SAE1: variants seen among roughly 807,000 people sequenced by gnomAD.
SAE1 encodes the protein SUMO1 activating enzyme subunit 1.
Under a neutral mutation model 40.6 loss-of-function variants are expected in SAE1, and 11 were observed. That is an observed-to-expected ratio of 0.27 (90% confidence interval 0.17 to 0.45). The LOEUF is 0.45. Ranked by LOEUF, SAE1 falls within the 20% of genes least tolerant of loss-of-function variation. SAE1 has a pLI of 1.00. For synonymous variants in SAE1, 155 were observed against 154.3 expected, an observed-to-expected ratio of 1.00 and a Z score of -0.03; for missense variants, 373 against 427.3, an observed-to-expected ratio of 0.87 and a Z score of 1.12.
At chr19:47,182,507 A>ACGCG (rs1308937901) in intron 6 of SAE1, among the ~76,000 whole-genome samples, 2 of 137,590 alleles carry the variant, frequency 1.5e-5, no homozygotes, top group South Asian at 2.4e-4. Context: ...GCGCGCACGC[A>ACGCG]CGCGCGCGCG....
At chr19:47,186,808 A>ATTTG (rs2058547361) in intron 6 of SAE1, among the ~76,000 whole-genome samples, 1 of 152,146 alleles carries the variant, frequency 6.6e-6, no homozygotes, top group African/African-American at 2.4e-5. Context: ...TTGGAGCACA[A>ATTTG]AAAGGGGCAT....
intron 6 of SAE1, among the ~76,000 whole-genome samples, chr19:47,171,644 AT>A (rs552951662): frequency 1.3e-5 from 2 of 151,462 alleles, no homozygotes; most frequent in Admixed American, 6.6e-5. Flanking sequence ...GTATTTTTGT[AT>A]TTTTTTTGTA....
At chr19:47,164,833 TA>T (rs1793667979) in intron 5 of SAE1, among the ~76,000 whole-genome samples, 1 of 151,224 alleles carries the variant, frequency 6.6e-6, no homozygotes, top group Admixed American at 6.6e-5. Flanking sequence ...TTTGTATTTT[TA>T]GTAGAGAGGG....
intron 2 of SAE1, among the ~76,000 whole-genome samples, chr19:47,145,790 C>T (rs1204438892): frequency 1.3e-5 from 2 of 152,114 alleles, no homozygotes; most frequent in African/African-American, 4.8e-5. Flanking sequence ...GATTCTGACA[C>T]CACAGGTGTG....
intron 8 of SAE1, among the ~76,000 whole-genome samples, chr19:47,206,649 A>G (rs1227524402): frequency 6.6e-6 from 1 of 152,202 alleles, no homozygotes; most frequent in Non-Finnish European, 1.5e-5. Flanking sequence ...TCCCAGGTTC[A>G]TGGTAAAACA....
chr19:47,143,109 ATTT>A (rs773382952), intron 1 of SAE1, among the ~76,000 whole-genome samples: 1 of 145,600 alleles, frequency 6.9e-6, no homozygotes, highest in Non-Finnish European at 1.5e-5. Context: ...AACCAAAATG[ATTT>A]TTTTTTTTTT....
intron 5 of SAE1, among the ~76,000 whole-genome samples, chr19:47,168,856 G>A (rs464463): frequency 2.0e-5 from 3 of 151,970 alleles, no homozygotes; most frequent in Non-Finnish European, 2.9e-5. Context: ...CACCCGCCTC[G>A]GCCTCCCAAA....
intron 1 of SAE1, among the ~76,000 whole-genome samples, chr19:47,141,192 C>T (rs540409261): frequency 6.6e-6 from 1 of 151,876 alleles, no homozygotes; most frequent in Non-Finnish European, 1.5e-5. Context: ...TGTAGAGACA[C>T]GGTTTTGCCA....
chr19:47,186,981 T>C (rs1334229843), intron 6 of SAE1, among the ~76,000 whole-genome samples: 1 of 152,134 alleles, frequency 6.6e-6, no homozygotes, highest in Non-Finnish European at 1.5e-5. Flanking sequence ...TCTGGGTCGC[T>C]TCTGGGTCCC....
At chr19:47,154,803 G>C (rs1013024824) in intron 4 of SAE1, among the ~76,000 whole-genome samples, 5 of 152,108 alleles carry the variant, frequency 3.3e-5, no homozygotes, top group Non-Finnish European at 7.4e-5. Flanking sequence ...GCCAAGTTTG[G>C]CTATTTATTT....
chr19:47,149,674 A>G (rs1365130174), intron 2 of SAE1, among the ~76,000 whole-genome samples: 3 of 152,174 alleles, frequency 2.0e-5, no homozygotes, highest in Admixed American at 6.6e-5. Context: ...TTTTCTTTAT[A>G]AACACAAGGG....
At chr19:47,142,961 G>A (rs1048361602) in intron 1 of SAE1, among the ~76,000 whole-genome samples, 4 of 151,970 alleles carry the variant, frequency 2.6e-5, no homozygotes, top group Non-Finnish European at 4.4e-5. Context: ...CTGATTCACC[G>A]CCTTATTTCC....
At chr19:47,178,560 G>A (rs546587554) in intron 6 of SAE1, among the ~76,000 whole-genome samples, 4 of 152,270 alleles carry the variant, frequency 2.6e-5, no homozygotes, top group South Asian at 4.1e-4. Flanking sequence ...TGCAACCTCC[G>A]CCTTTTGGAT....
chr19:47,136,455 G>C (rs1373364974), intron 1 of SAE1, among the ~76,000 whole-genome samples: 1 of 151,256 alleles, frequency 6.6e-6, no homozygotes, highest in African/African-American at 2.4e-5. Flanking sequence ...TTTTCATTTG[G>C]GTATATACCT....
At chr19:47,199,069 A>T (rs2058634661) in intron 7 of SAE1, among the ~76,000 whole-genome samples, 1 of 152,002 alleles carries the variant, frequency 6.6e-6, no homozygotes, top group African/African-American at 2.4e-5. Flanking sequence ...AGCCTGGGTG[A>T]CAGAGAGAGA....
chr19:47,164,410 G>A lies in SAE1; in HGVS notation c.628-5408G>A, dbSNP rs548251306. ...TCTCCATCTGCTGACCTCGTGATCC[G>A]CCCGCCTTGGCCTCCCAAAGTGCTG... On this transcript the variant is annotated intron_variant, in intron 5 of 8. Coordinates refer to ENST00000270225, the MANE Select transcript of SAE1 (RefSeq NM_005500.3). 9.2e-5 allele frequency among the ~76,000 whole-genome samples: 14 copies of A among 151,992 alleles called. No homozygotes were observed. In the East Asian group the frequency reaches 2.5e-3, roughly 27 times the overall value.
In SAE1 at chr19:47,191,783, C is replaced by T. The variant is rs151126027; in HGVS notation, c.734-5450C>T. On this transcript the variant is annotated intron_variant, in intron 6 of 8. Coordinates refer to ENST00000270225, the MANE Select transcript of SAE1 (RefSeq NM_005500.3). ...CATAGCTGTGGGAATAGGCCGGGCG[C>T]GGTGGCTCACACCTGTAATCCCAGC... Among the ~76,000 whole-genome samples, 603 of 151,982 alleles carry T rather than the reference C, an allele frequency of 4.0e-3. 5 individuals are homozygous for T. Among genetic ancestry groups the T allele is most frequent in the African/African-American group, 0.014 (566 of 41,446 alleles).
At chr19:47,151,610 C>G (rs925299664) in intron 3 of SAE1, among the ~76,000 whole-genome samples, 2 of 152,256 alleles carry the variant, frequency 1.3e-5, no homozygotes, top group African/African-American at 2.4e-5. Flanking sequence ...TTACACTTTT[C>G]TATTTCATAT....
chr19:47,197,781 A>G (rs1180694423), intron 7 of SAE1, among the ~76,000 whole-genome samples: 4 of 152,174 alleles, frequency 2.6e-5, no homozygotes, highest in Admixed American at 6.5e-5. Context: ...TTGCCTGCTC[A>G]CTCAAGTTGT....
Sources: allele counts gnomAD v4.1 joint callset (sites outside exome capture counted in the v4.1 genomes callset), GRCh38; gene constraint gnomAD v4.1.1; transcripts MANE v1.5; gene names NCBI Gene and HGNC (gene_info 2026-07-23, HGNC 2026-07-21).